ABCA13: variants seen among roughly 807,000 people sequenced by gnomAD.
ABCA13 encodes ATP binding cassette subfamily A member 13, also known as ATP-binding cassette sub-family A member 13.
ABCA13 carries 476 observed loss-of-function variants against 478.7 expected under a neutral mutation model. The observed-to-expected ratio is 0.99, with a 90% CI of 0.92 to 1.07. The LOEUF is 1.07. Among genes scored for constraint, ABCA13 ranks in the 50% least tolerant of loss-of-function variants. The pLI is 0.00. For synonymous variants in ABCA13, 2,252 were observed against 2,158.9 expected (o/e 1.04, Z -1.20); for missense variants, 6,060 against 5,910.6 (o/e 1.03, Z -0.83).
At chr7:48,380,640 A>G (rs186985314) in intron 35 of ABCA13, among the ~76,000 whole-genome samples, 78 of 152,330 alleles carry the variant, frequency 5.1e-4, no homozygotes, top group African/African-American at 1.8e-3. Flanking sequence ...GTAGGGTATC[A>G]ACTAACCCAG....
At chr7:48,187,053 A>G (rs1268159287) in intron 1 of ABCA13, among the ~76,000 whole-genome samples, 1 of 149,852 alleles carries the variant, frequency 6.7e-6, no homozygotes, top group Non-Finnish European at 1.5e-5. Flanking sequence ...ATACATATAT[A>G]TATCAGTCCC....
intron 46 of ABCA13, 22 bp from the exon 47 acceptor site, chr7:48,483,054 A>G: frequency 6.3e-6 from 10 of 1,596,484 alleles, no homozygotes; most frequent in African/African-American, 1.3e-5. Flanking sequence ...TGAAGCACTA[A>G]CACAATGTTC....
chr7:48,471,462 T>C (rs1274252019), intron 44 of ABCA13, 68 bp from the exon 45 acceptor site: 40 of 1,394,948 alleles, frequency 2.9e-5, no homozygotes, highest in Non-Finnish European at 3.9e-5. Context: ...GATGAAACTC[T>C]CTTTTATGGA....
At chr7:48,250,554 T>TA (rs1378026891) in intron 15 of ABCA13, among the ~76,000 whole-genome samples, 1 of 152,206 alleles carries the variant, frequency 6.6e-6, no homozygotes, top group Non-Finnish European at 1.5e-5. Flanking sequence ...TCTTAGCAGC[T>TA]ATGTGCCTGT....
At chr7:48,442,147 G>A (rs1278856093) in intron 42 of ABCA13, among the ~76,000 whole-genome samples, 1 of 152,218 alleles carries the variant, frequency 6.6e-6, no homozygotes, top group African/African-American at 2.4e-5. Flanking sequence ...CTGCCGAGCT[G>A]CTGGGTTGAG....
chr7:48,267,414 T>G (rs540365475), intron 15 of ABCA13, among the ~76,000 whole-genome samples: 2 of 152,304 alleles, frequency 1.3e-5, no homozygotes, highest in African/African-American at 4.8e-5. Flanking sequence ...ATGATAATTA[T>G]GTTATCATCT....
At chr7:48,585,404 T>G (rs1189353288) in intron 56 of ABCA13, among the ~76,000 whole-genome samples, 1 of 152,206 alleles carries the variant, frequency 6.6e-6, no homozygotes, top group Non-Finnish European at 1.5e-5. Context: ...TATTTCATCT[T>G]TATATATCTT....
At chr7:48,573,516 C>T (rs1194815015) in intron 55 of ABCA13, among the ~76,000 whole-genome samples, 4 of 151,880 alleles carry the variant, frequency 2.6e-5, no homozygotes, top group Non-Finnish European at 4.4e-5. Context: ...GGCAACATAG[C>T]GAGACTCCAT....
At chr7:48,624,227 C>T (rs564833652) in intron 59 of ABCA13, among the ~76,000 whole-genome samples, 48 of 152,214 alleles carry the variant, frequency 3.2e-4, no homozygotes, top group African/African-American at 1.1e-3. Context: ...CTCAAATCCT[C>T]TGCATGTCAT....
In ABCA13 at chr7:48,249,094, T is replaced by C. The variant is rs1440274787; in HGVS notation, c.1866-118T>C. ...AACTATTTGAAAGATTCTATTTCCTTACATAAGTGGACTGCCATGCATTTG... is the reference window on the plus strand; with the variant it reads ...AACTATTTGAAAGATTCTATTTCCTCACATAAGTGGACTGCCATGCATTTG... On this transcript the variant is annotated intron_variant, in intron 14 of 61. Coordinates refer to ENST00000435803, the MANE Select transcript of ABCA13 (RefSeq NM_152701.5). 3 of 815,792 alleles carry C rather than the reference T, an allele frequency of 3.7e-6. No individual in the cohort carries two copies. In the East Asian group the frequency reaches 8.3e-5, roughly 23 times the overall value. The allele number at this position is 815,792 out of a possible 1,614,324, so 50.5% of individuals were successfully genotyped here.
At chr7:48,460,408 C>T (rs923036745) in intron 43 of ABCA13, among the ~76,000 whole-genome samples, 4 of 152,130 alleles carry the variant, frequency 2.6e-5, no homozygotes, top group African/African-American at 7.2e-5. Flanking sequence ...TGGCTGCCAG[C>T]GATCCCTGAC....
intron 10 of ABCA13, among the ~76,000 whole-genome samples, chr7:48,243,990 G>GT (rs1321954379): frequency 6.6e-6 from 1 of 152,148 alleles, no homozygotes; most frequent in Non-Finnish European, 1.5e-5. Flanking sequence ...CCAATTTCAG[G>GT]TTCTTCACAT....
chr7:48,425,801 C>T (rs541609029), intron 41 of ABCA13, among the ~76,000 whole-genome samples: 56 of 152,024 alleles, frequency 3.7e-4, no homozygotes, highest in Non-Finnish European at 5.7e-4. Context: ...AGTGCAGTGG[C>T]GCAATCTCGG....
chr7:48,218,606 C>T (rs1398188832), intron 3 of ABCA13, among the ~76,000 whole-genome samples: 2 of 152,134 alleles, frequency 1.3e-5, no homozygotes, highest in African/African-American at 4.8e-5. Flanking sequence ...AGTAGAAGGT[C>T]CTCTAAGCCA....
In ABCA13 at chr7:48,251,156, A is replaced by G. The variant is rs369387126; in HGVS notation, c.2005+1805A>G. Among the ~76,000 whole-genome samples, 174 of 152,220 alleles carry G rather than the reference A, an allele frequency of 1.1e-3. 1 individual carries two copies. Among genetic ancestry groups the G allele is most frequent in the African/African-American group, 3.9e-3 (162 of 41,538 alleles). On this transcript the variant is annotated intron_variant, in intron 15 of 61. Coordinates refer to ENST00000435803, the MANE Select transcript of ABCA13 (RefSeq NM_152701.5). ...TATTGGGTTGATGGTAACTTCTCCAATGAGTTGGCCATGTTCTTCTGGGTT... is the reference window on the plus strand; with the variant it reads ...TATTGGGTTGATGGTAACTTCTCCAGTGAGTTGGCCATGTTCTTCTGGGTT...
chr7:48,632,094 C>T (rs1056959005), intron 59 of ABCA13, among the ~76,000 whole-genome samples: 7 of 152,134 alleles, frequency 4.6e-5, no homozygotes, highest in African/African-American at 1.7e-4. Flanking sequence ...TCTAGTTACA[C>T]ATTCATATCA....
chr7:48,215,627 G>A lies in ABCA13; in HGVS notation c.288-3727G>A, dbSNP rs138155924. 2.6e-4 allele frequency among the ~76,000 whole-genome samples: 39 copies of A among 152,204 alleles called. 2 individuals are homozygous for A. The highest frequency in any genetic ancestry group is 9.1e-4 in the African/African-American group (38 of 41,532). On this transcript the variant is annotated intron_variant, in intron 3 of 61. Transcript: ENST00000435803. Reference sequence around the variant, plus strand: ...AAGCGAAGCATAATAAAACAAGGTAGGCCTGTACACAATTCAATAATTGTT... The same window carrying A: ...AAGCGAAGCATAATAAAACAAGGTAAGCCTGTACACAATTCAATAATTGTT...
Position 48,352,854 on chromosome 7 carries a change from A to G in ABCA13, c.10688+367A>G, listed in dbSNP as rs935174030. 1.5e-4 allele frequency among the ~76,000 whole-genome samples: 23 copies of G among 152,028 alleles called. 1 individual carries two copies. The highest frequency in any genetic ancestry group is 5.3e-4 in the African/African-American group (22 of 41,284). ...AGGGAGGTTATTTTCTCTGCAGTGC[A>G]AATCCTTAGATATAGGCTGTATACT... is the stretch of plus-strand genomic sequence containing the variant. On this transcript the variant is annotated intron_variant, in intron 31 of 61. Coordinates refer to ENST00000435803, the MANE Select transcript of ABCA13 (RefSeq NM_152701.5).
intron 59 of ABCA13, among the ~76,000 whole-genome samples, chr7:48,625,641 T>A (rs1354984213): frequency 6.6e-6 from 1 of 152,218 alleles, no homozygotes; most frequent in Non-Finnish European, 1.5e-5. Flanking sequence ...CTGACATAAT[T>A]AGCTGGGAAG....
Sources: allele counts gnomAD v4.1 joint callset (sites outside exome capture counted in the v4.1 genomes callset), GRCh38; gene constraint gnomAD v4.1.1; transcripts MANE v1.5; gene names NCBI Gene and HGNC (gene_info 2026-07-23, HGNC 2026-07-21).